Variants in RALGPS2 observed in about 807,000 individuals in gnomAD.
The protein encoded by RALGPS2 is Ral GEF with PH domain and SH3 binding motif 2.
Under a neutral mutation model 86.8 loss-of-function variants are expected in RALGPS2, and 43 were observed. The observed-to-expected ratio is 0.50, with a 90% CI of 0.39 to 0.64. The LOEUF (loss-of-function observed/expected upper bound fraction) is 0.64. Among genes scored for constraint, RALGPS2 ranks in the 30% least tolerant of loss-of-function variants. The pLI, the probability that RALGPS2 is intolerant of heterozygous loss-of-function variation, is 0.00. For synonymous variants in RALGPS2, 243 were observed against 231.3 expected (o/e 1.05, Z -0.46); for missense variants, 536 against 694.6 (o/e 0.77, Z 2.57).
intron 8 of RALGPS2, chr1:178,853,247 A>G: frequency 1.0e-6 from 1 of 976,444 alleles, no homozygotes; most frequent in South Asian, 4.7e-5. Context: ...TAAAAATATT[A>G]GCTAGTATAC....
chr1:178,731,138 G>C (rs1650322003), intron 1 of RALGPS2, among the ~76,000 whole-genome samples: 1 of 152,098 alleles, frequency 6.6e-6, no homozygotes, highest in South Asian at 2.1e-4. Flanking sequence ...AAATTTGTGA[G>C]ATGTGTGTAT....
At chr1:178,894,086 T>C in intron 16 of RALGPS2, 62 bp downstream of exon 16, 1 of 961,884 alleles carries the variant, frequency 1.0e-6, no homozygotes, top group Non-Finnish European at 1.6e-6. Flanking sequence ...TATAAGACTC[T>C]GTAAAAGTAC....
intron 13 of RALGPS2, 73 bp downstream of exon 13, chr1:178,886,193 A>G: frequency 6.7e-7 from 1 of 1,482,224 alleles, no homozygotes; most frequent in Non-Finnish European, 9.2e-7. Context: ...GGCTGGAAAA[A>G]AACCCCACCC....
intron 6 of RALGPS2, among the ~76,000 whole-genome samples, chr1:178,816,565 G>A (rs1655241679): frequency 1.3e-5 from 2 of 152,012 alleles, no homozygotes; most frequent in Admixed American, 1.3e-4. Flanking sequence ...GAGCAGAACT[G>A]TTCAATTTTA....
intron 14 of RALGPS2, among the ~76,000 whole-genome samples, chr1:178,890,742 T>C: frequency 6.6e-6 from 1 of 151,978 alleles, no homozygotes; most frequent in East Asian, 1.9e-4. Flanking sequence ...TTTTGATCCT[T>C]TCTACTCTAA....
At chr1:178,793,640 G>A (rs1654061251) in intron 4 of RALGPS2, among the ~76,000 whole-genome samples, 1 of 151,878 alleles carries the variant, frequency 6.6e-6, no homozygotes. Flanking sequence ...ATTCCATGTG[G>A]GCAGGAATCT....
At chr1:178,804,427 C>G (rs28473002) in intron 4 of RALGPS2, among the ~76,000 whole-genome samples, 2 of 110,180 alleles carry the variant, frequency 1.8e-5, no homozygotes, top group African/African-American at 6.7e-5. Flanking sequence ...TCCCTCCCCC[C>G]TCCCCCCACC....
At chr1:178,825,356 A>C (rs1044459486) in intron 7 of RALGPS2, among the ~76,000 whole-genome samples, 1 of 152,176 alleles carries the variant, frequency 6.6e-6, no homozygotes, top group Non-Finnish European at 1.5e-5. Flanking sequence ...GATGATGAAC[A>C]GTGAAAAGGT....
At chr1:178,796,113 G>A (rs971762015) in intron 4 of RALGPS2, among the ~76,000 whole-genome samples, 2 of 152,090 alleles carry the variant, frequency 1.3e-5, no homozygotes, top group Admixed American at 6.6e-5. Context: ...TTAGGATTAA[G>A]GAAGGTAGAG....
At chr1:178,748,844 C>T in intron 1 of RALGPS2, among the ~76,000 whole-genome samples, 1 of 127,212 alleles carries the variant, frequency 7.9e-6, no homozygotes, top group African/African-American at 3.3e-5. Context: ...GAGTGAGACT[C>T]TGTCTCAAAA....
intron 1 of RALGPS2, among the ~76,000 whole-genome samples, chr1:178,733,892 A>T (rs1398023528): frequency 6.6e-6 from 1 of 152,232 alleles, no homozygotes; most frequent in Non-Finnish European, 1.5e-5. Flanking sequence ...TAAAAATTAA[A>T]TTTTTTGTGC....
chr1:178,813,919 T>C (rs946409707), intron 6 of RALGPS2, among the ~76,000 whole-genome samples: 1 of 152,194 alleles, frequency 6.6e-6, no homozygotes, highest in Non-Finnish European at 1.5e-5. Flanking sequence ...CTGATACTAA[T>C]AGTCTAGACA....
intron 1 of RALGPS2, among the ~76,000 whole-genome samples, chr1:178,763,830 A>G (rs944906108): frequency 2.0e-5 from 3 of 149,536 alleles, no homozygotes; most frequent in Non-Finnish European, 4.4e-5. Flanking sequence ...ATTGATTTCT[A>G]TTTTTACTAC....
chr1:178,734,892 G>T (rs1002712254), intron 1 of RALGPS2, among the ~76,000 whole-genome samples: 2 of 152,196 alleles, frequency 1.3e-5, no homozygotes, highest in Admixed American at 1.3e-4. Context: ...TGAGTAGTTT[G>T]TGTGGTGGGA....
At chr1:178,889,577 A>G (rs1659634047) in intron 13 of RALGPS2, 65 bp from the exon 14 acceptor site, 2 of 1,055,852 alleles carry the variant, frequency 1.9e-6, no homozygotes, top group Non-Finnish European at 2.9e-6. Context: ...TTATTTTTAC[A>G]TTGTGAAATG....
intron 6 of RALGPS2, among the ~76,000 whole-genome samples, chr1:178,816,890 G>C (rs773473197): frequency 1.3e-5 from 2 of 151,696 alleles, no homozygotes; most frequent in Non-Finnish European, 2.9e-5. Context: ...TGTATTTTTA[G>C]TAGAGATGGG....
intron 1 of RALGPS2, among the ~76,000 whole-genome samples, chr1:178,758,644 A>G (rs1652071865): frequency 6.6e-6 from 1 of 152,128 alleles, no homozygotes; most frequent in Admixed American, 6.5e-5. Flanking sequence ...AATAAGTGAG[A>G]ACATACAATG....
chr1:178,914,955 T>A (rs1268196417), intron 19 of RALGPS2, among the ~76,000 whole-genome samples: 1 of 152,198 alleles, frequency 6.6e-6, no homozygotes, highest in African/African-American at 2.4e-5. Flanking sequence ...ACTCTTTTTT[T>A]TTCAATCTCA....
chr1:178,827,378 C>T (rs1655794153), intron 7 of RALGPS2, among the ~76,000 whole-genome samples: 2 of 150,876 alleles, frequency 1.3e-5, no homozygotes, highest in Non-Finnish European at 2.9e-5. Flanking sequence ...AAGCTAGAGA[C>T]ATCATACTCT....
Sources: allele counts gnomAD v4.1 joint callset (sites outside exome capture counted in the v4.1 genomes callset), GRCh38; gene constraint gnomAD v4.1.1; transcripts MANE v1.5; gene names NCBI Gene and HGNC (gene_info 2026-07-23, HGNC 2026-07-21).